Variants in REPS2 observed in about 807,000 individuals in gnomAD.
REPS2 encodes ralBP1-associated Eps domain-containing protein 2.
REPS2 carries 23 observed loss-of-function variants against 53.6 expected under a neutral mutation model. The observed-to-expected ratio is 0.43, with a 90% CI of 0.31 to 0.61. The LOEUF (loss-of-function observed/expected upper bound fraction) is 0.61, where lower values mean the gene tolerates loss of function less well. Ranked by LOEUF, REPS2 falls within the 20% of genes least tolerant of loss-of-function variation. The pLI is 0.11. For synonymous variants in REPS2, 238 were observed against 218.6 expected (o/e 1.09, Z -0.78); for missense variants, 446 against 534.9 (o/e 0.83, Z 1.64).
chrX:17,117,803 C>T (rs1189097090), intron 14 of REPS2, among the ~76,000 whole-genome samples: 1 of 110,288 alleles, frequency 9.1e-6, no homozygotes, highest in Admixed American at 9.6e-5. Context: ...AATGGGATGA[C>T]TGGGTCAACT....
chrX:17,022,741 G>A (rs1447673238), intron 3 of REPS2, among the ~76,000 whole-genome samples: 4 of 112,159 alleles, frequency 3.6e-5, no homozygotes, highest in Non-Finnish European at 7.5e-5. Context: ...ACATTAGCAC[G>A]GTAAAAGCCC....
At position 17,054,911 on chromosome X, in the gene REPS2, G is replaced by A. The variant is rs766202358; in HGVS notation, c.1075G>A (p.Gly359Ser). The change falls in exon 8 of 18, where the codon GGC (glycine) becomes AGC (serine). Residue 359 changes from glycine to serine, a missense_variant. Gly to Ser is a moderately conservative substitution (Grantham distance 56). Transcript: ENST00000357277. ...ARKNGYPLPE[G>S]LPPTLQPEYL... ...GAAGAACGGCTACCCATTGCCTGAG[G>A]GCCTCCCTCCAACTCTGCAGCCAGA... is the stretch of plus-strand genomic sequence containing the variant. 6 of 1,209,799 alleles carry A rather than the reference G, an allele frequency of 5.0e-6. No homozygotes were observed. The Admixed American group carries it at 1.1e-4, about 22-fold the overall frequency.
chrX:16,972,116 C>T (rs2060902326), intron 1 of REPS2, among the ~76,000 whole-genome samples: 1 of 111,393 alleles, frequency 9.0e-6, no homozygotes, highest in Admixed American at 9.6e-5. Context: ...AGCAGCCATC[C>T]CAAAGTGGCA....
chrX:17,123,501 C>T (rs1228283004), intron 14 of REPS2, among the ~76,000 whole-genome samples: 5 of 112,563 alleles, frequency 4.4e-5, no homozygotes, highest in African/African-American at 1.6e-4. Flanking sequence ...GGCATTCTGC[C>T]ATGTGACTCT....
intron 9 of REPS2, among the ~76,000 whole-genome samples, chrX:17,067,611 C>G (rs1043644499): frequency 1.8e-5 from 2 of 111,989 alleles, no homozygotes; most frequent in African/African-American, 6.5e-5. Context: ...GGACTTCCCC[C>G]CTGTTTGCAT....
intron 6 of REPS2, among the ~76,000 whole-genome samples, chrX:17,052,032 A>T (rs1469251985): frequency 2.7e-5 from 3 of 111,958 alleles, no homozygotes; most frequent in Non-Finnish European, 5.6e-5. Flanking sequence ...TGAAATTTCT[A>T]TTTGAAATCT....
intron 9 of REPS2, among the ~76,000 whole-genome samples, chrX:17,065,423 G>A (rs1282838215): frequency 8.9e-6 from 1 of 111,812 alleles, no homozygotes; most frequent in African/African-American, 3.3e-5. Flanking sequence ...ATCTTCTTTC[G>A]CCAAGTGTCT....
intron 14 of REPS2, among the ~76,000 whole-genome samples, chrX:17,127,153 T>C (rs2063223462): frequency 8.9e-6 from 1 of 112,117 alleles, no homozygotes; most frequent in Non-Finnish European, 1.9e-5. Context: ...CAAGGGTGTC[T>C]TCAATTTCCA....
In REPS2 at chrX:17,062,449, C is replaced by A; in HGVS notation, c.1126C>A (p.Pro376Thr). The A allele has an allele frequency of 1.7e-6, 2 of 1,198,701 alleles. No homozygotes were observed. The highest frequency in any genetic ancestry group is 3.6e-5 in the South Asian group (2 of 54,914). Residue 376 changes from proline (P) to threonine (T), a missense_variant, in exon 9 of 18, where the codon CCC (proline) becomes ACC (threonine). Pro to Thr is a conservative substitution (Grantham distance 38). Coordinates refer to ENST00000357277, the MANE Select transcript of REPS2 (RefSeq NM_004726.3). ...PEYLQAAFPK[P>T]KWDCQLFDSY... ...TTGTTTCTTCTTAGCTTTTCCTAAG[C>A]CCAAATGGGACTGTCAATTATTTGA...
chrX:16,961,604 A>G (rs890185603), intron 1 of REPS2, among the ~76,000 whole-genome samples: 1 of 112,033 alleles, frequency 8.9e-6, no homozygotes, highest in Non-Finnish European at 1.9e-5. Context: ...TAGACATCAC[A>G]CCAAAAGCAC....
chrX:17,053,807 G>A (rs905115261), intron 7 of REPS2, among the ~76,000 whole-genome samples: 28 of 111,987 alleles, frequency 2.5e-4, no homozygotes, highest in Non-Finnish European at 9.4e-5. Flanking sequence ...TCGATCTGGC[G>A]TATGAAGCAG....
At chrX:17,195,536 G>A in the REPS2 span, among the ~76,000 whole-genome samples, 3 of 112,035 alleles carry the variant, frequency 2.7e-5, no homozygotes, top group Admixed American at 9.5e-5. Flanking sequence ...CCTTATTCAC[G>A]TACAAAACCC....
chrX:17,182,141 TCTA>T, the REPS2 span, among the ~76,000 whole-genome samples: 3 of 34,289 alleles, frequency 8.7e-5, no homozygotes, highest in Non-Finnish European at 2.1e-4. Flanking sequence ...GCTCTATCTG[TCTA>T]TCTATCTATC....
chrX:16,969,694 C>T (rs1030341566), intron 1 of REPS2, among the ~76,000 whole-genome samples: 7 of 105,617 alleles, frequency 6.6e-5, no homozygotes, highest in Non-Finnish European at 1.4e-4. Flanking sequence ...CAGACTCCCA[C>T]GGCATCAGAG....
At chrX:17,060,313 TAAAATA>T (rs1326063287) in intron 8 of REPS2, among the ~76,000 whole-genome samples, 1 of 110,418 alleles carries the variant, frequency 9.1e-6, no homozygotes, top group Non-Finnish European at 1.9e-5. Flanking sequence ...AAAAATAAAA[TAAAATA>T]AAAATAAAAA....
chrX:16,976,158 G>T (rs1254141008), intron 1 of REPS2, among the ~76,000 whole-genome samples: 1 of 111,413 alleles, frequency 9.0e-6, no homozygotes, highest in Non-Finnish European at 1.9e-5. Flanking sequence ...ACTTCCTGGG[G>T]TAAGATCATT....
At chrX:17,137,296 T>C (rs2063383974) in intron 16 of REPS2, 1 of 112,069 alleles carries the variant, frequency 8.9e-6, no homozygotes, top group African/African-American at 3.2e-5. Flanking sequence ...TCAACACTTA[T>C]CTTTTTTTTT....
chrX:17,168,992 A>G, the REPS2 span, among the ~76,000 whole-genome samples: 1 of 112,167 alleles, frequency 8.9e-6, no homozygotes, highest in Non-Finnish European at 1.9e-5. Context: ...TTCTGCTCTC[A>G]TTGTCATAAA....
intron 11 of REPS2, among the ~76,000 whole-genome samples, chrX:17,071,395 A>G (rs1039205686): frequency 9.2e-6 from 1 of 109,261 alleles, no homozygotes; most frequent in Non-Finnish European, 1.9e-5. Context: ...ATTTTAGCAC[A>G]AGATCAAGTG....
Sources: gnomAD v4.1 joint callset for allele counts (sites outside exome capture counted in the v4.1 genomes callset) on GRCh38, gnomAD v4.1.1 for gene constraint, MANE v1.5 for transcripts, NCBI Gene and HGNC (gene_info 2026-07-23, HGNC 2026-07-21) for gene names.